The following DNM3 variants were observed in gnomAD, a reference collection of about 807,000 sequenced individuals.
DNM3 encodes dynamin 3.
A neutral mutation model predicts 101.6 loss-of-function variants in DNM3; 47 were observed. The ratio of observed to expected loss-of-function variants is 0.46; its 90% CI spans 0.37 to 0.59. DNM3 has a LOEUF of 0.59. Ranked by LOEUF, DNM3 falls within the 20% of genes least tolerant of loss-of-function variation. DNM3 has a pLI of 0.00. For missense variants in DNM3, 849 were observed against 1,085.7 expected (o/e 0.78, Z 3.06); for synonymous variants, 385 against 387.9 (o/e 0.99, Z 0.09).
intron 14 of DNM3, among the ~76,000 whole-genome samples, chr1:172,165,325 GTAAC>G (rs2058707143): frequency 6.6e-6 from 1 of 151,970 alleles, no homozygotes; most frequent in Non-Finnish European, 1.5e-5. Context: ...AAAGGTGAGA[GTAAC>G]AGAGTAAAGA....
chr1:172,131,448 A>G (rs2056931101), intron 14 of DNM3, among the ~76,000 whole-genome samples, 160 bp downstream of exon 14: 1 of 152,186 alleles, frequency 6.6e-6, no homozygotes, highest in Admixed American at 6.5e-5. Flanking sequence ...TTTCTTATAG[A>G]TTTTAAAGTT....
intron 15 of DNM3, among the ~76,000 whole-genome samples, chr1:172,285,213 G>C (rs2063651147): frequency 6.6e-6 from 1 of 152,158 alleles, no homozygotes; most frequent in Non-Finnish European, 1.5e-5. Context: ...TGAAGAGTCG[G>C]TTATATCCAT....
chr1:172,167,274 A>G (rs932516288), intron 14 of DNM3, among the ~76,000 whole-genome samples: 41 of 152,078 alleles, frequency 2.7e-4, no homozygotes, highest in African/African-American at 9.4e-4. Context: ...GCTGCATAGT[A>G]TTCCATGGTG....
intron 4 of DNM3, among the ~76,000 whole-genome samples, chr1:171,999,646 T>A (rs2046239101): frequency 6.6e-6 from 1 of 152,154 alleles, no homozygotes; most frequent in East Asian, 1.9e-4. Flanking sequence ...CCCCATCCCA[T>A]ACCTGTGAAT....
rs534867430 is a variant in DNM3, at chr1:171,984,339, T to C, written c.236-3317T>C. ...CGAAAAATCAAAGTCCTTAAAATGG[T>C]CCACGGGCCCTCCACATCCAGGCCT... On this transcript the variant is annotated intron_variant, in intron 2 of 20. Transcript: ENST00000627582. 2.2e-4 allele frequency among the ~76,000 whole-genome samples: 34 copies of C among 152,224 alleles called. No homozygotes were observed. In the South Asian group the frequency reaches 6.9e-3, roughly 31 times the overall value.
At chr1:171,927,267 T>TC (rs2040647987) in intron 2 of DNM3, among the ~76,000 whole-genome samples, 1 of 152,128 alleles carries the variant, frequency 6.6e-6, no homozygotes, top group African/African-American at 2.4e-5. Flanking sequence ...GGTTTGGGGG[T>TC]GCATGTGAAG....
chr1:172,105,281 A>C (rs2054930606), intron 13 of DNM3, among the ~76,000 whole-genome samples: 1 of 152,220 alleles, frequency 6.6e-6, no homozygotes, highest in Admixed American at 6.5e-5. Context: ...CCACTCATGC[A>C]GTTCTACAGC....
At chr1:172,361,206 C>A (rs1428851251) in intron 17 of DNM3, among the ~76,000 whole-genome samples, 1 of 151,930 alleles carries the variant, frequency 6.6e-6, no homozygotes, top group African/African-American at 2.4e-5. Context: ...GTGGGAGGGG[C>A]AACTTTCTTT....
chr1:172,069,053 T>G (rs896597893), intron 11 of DNM3, 148 bp downstream of exon 11: 1 of 628,136 alleles, frequency 1.6e-6, no homozygotes, highest in Non-Finnish European at 2.8e-6. Flanking sequence ...TTTTTACTTA[T>G]TTATGAATTA....
intron 13 of DNM3, 42 bp from the exon 14 acceptor site, chr1:172,131,133 T>TTGTTAAACTAAACACCTCTGC (rs2056915254): frequency 3.2e-6 from 5 of 1,577,824 alleles, no homozygotes; most frequent in Non-Finnish European, 3.5e-6. Flanking sequence ...CCAGTGGCTT[T>TTGTTAAACTAAACACCTCTGC]TGTTAAACTA....
chr1:171,936,446 T>C (rs2041431940), intron 2 of DNM3, among the ~76,000 whole-genome samples: 1 of 152,238 alleles, frequency 6.6e-6, no homozygotes, highest in Non-Finnish European at 1.5e-5. Context: ...GTCTCCTGGA[T>C]AATTTTTCTG....
At chr1:172,380,099 A>G (rs535004811) in intron 18 of DNM3, among the ~76,000 whole-genome samples, 5 of 152,152 alleles carry the variant, frequency 3.3e-5, no homozygotes, top group Non-Finnish European at 5.9e-5. Context: ...AGTAGAATTT[A>G]GGAGAAATCT....
rs753168437 is a variant in DNM3, at chr1:171,841,632, G to A, written c.-25G>A. 6.3e-6 allele frequency: 10 copies of A among 1,599,242 alleles called. No individual in the cohort carries two copies. In the South Asian group the frequency reaches 1.1e-4, roughly 18 times the overall value. ...AGGTCGTAGAGGCGAGCAGGGACCA[G>A]CTGGTCGCCGGCCCCTCGGGCAAGA... On this transcript the variant is annotated 5_prime_UTR_variant, in exon 1 of 21. Transcript: ENST00000627582.
chr1:172,202,182 C>A (rs1393392657), intron 14 of DNM3, among the ~76,000 whole-genome samples: 3 of 152,114 alleles, frequency 2.0e-5, no homozygotes, highest in Non-Finnish European at 4.4e-5. Flanking sequence ...AGTAAGCCAT[C>A]TTGCTTTATC....
intron 1 of DNM3, among the ~76,000 whole-genome samples, chr1:171,858,992 A>G (rs2033900768): frequency 6.6e-6 from 1 of 152,170 alleles, no homozygotes. Context: ...TCACACAGCC[A>G]TAGCATAATT....
intron 14 of DNM3, among the ~76,000 whole-genome samples, chr1:172,171,679 A>G (rs1021495700): frequency 4.0e-5 from 6 of 151,714 alleles, no homozygotes; most frequent in Admixed American, 2.0e-4. Context: ...CATGCTTTGG[A>G]AAATGTGTTG....
intron 16 of DNM3, among the ~76,000 whole-genome samples, chr1:172,322,755 C>T (rs536901484): frequency 1.3e-5 from 2 of 152,028 alleles, no homozygotes; most frequent in South Asian, 2.1e-4. Flanking sequence ...AGATGGAGGT[C>T]GTAACTTGGT....
At chr1:172,179,748 C>T (rs576090904) in intron 14 of DNM3, among the ~76,000 whole-genome samples, 12 of 151,968 alleles carry the variant, frequency 7.9e-5, no homozygotes, top group Admixed American at 2.6e-4. Context: ...CCAATAAGTA[C>T]TGGGTGACTA....
chr1:172,081,697 A>G (rs2053161775), intron 11 of DNM3, 135 bp from the exon 12 acceptor site: 1 of 670,058 alleles, frequency 1.5e-6, no homozygotes, highest in Admixed American at 3.1e-5. Context: ...AGAAAAGTTA[A>G]GGTTACTTTT....
Sources: allele counts gnomAD v4.1 joint callset (sites outside exome capture counted in the v4.1 genomes callset), GRCh38; gene constraint gnomAD v4.1.1; transcripts MANE v1.5; gene names NCBI Gene and HGNC (gene_info 2026-07-23, HGNC 2026-07-21).